The following DRC1 variants were observed in gnomAD, a reference collection of about 807,000 sequenced individuals.
DRC1 encodes dynein regulatory complex subunit 1, also known as dynein regulatory complex protein 1.
A neutral mutation model predicts 98.7 loss-of-function variants in DRC1; 74 were observed. The ratio of observed to expected loss-of-function variants is 0.75; its 90% CI spans 0.62 to 0.91. The LOEUF (loss-of-function observed/expected upper bound fraction) is 0.91. Ranked by LOEUF, DRC1 falls within the 40% of genes least tolerant of loss-of-function variation. The pLI, the probability that DRC1 is intolerant of heterozygous loss-of-function variation, is 0.00. For missense variants in DRC1, 875 were observed against 886.0 expected, an observed-to-expected ratio of 0.99 and a Z score of 0.16; for synonymous variants, 336 against 334.1, an observed-to-expected ratio of 1.01 and a Z score of -0.06.
At chr2:26,453,176 T>C in intron 13 of DRC1, 144 bp from the exon 14 acceptor site, 2 of 911,918 alleles carry the variant, frequency 2.2e-6, no homozygotes, top group South Asian at 3.4e-5. Context: ...CCACTCTTTC[T>C]CCTGTTTCTG....
chr2:26,414,500 T>A, intron 2 of DRC1, 69 bp downstream of exon 2: 1 of 1,422,722 alleles, frequency 7.0e-7, no homozygotes, highest in Non-Finnish European at 9.8e-7. Flanking sequence ...GTTTTCACAT[T>A]TAGACTGGAA....
chr2:26,402,211 G>T, intron 1 of DRC1, 67 bp downstream of exon 1: 1 of 1,479,524 alleles, frequency 6.8e-7, no homozygotes, highest in Non-Finnish European at 8.9e-7. Flanking sequence ...GTTTCCTGAT[G>T]AAATAGAAAC....
At chr2:26,432,101 T>G (rs1663452310) in intron 7 of DRC1, 95 bp downstream of exon 7, 1 of 1,476,072 alleles carries the variant, frequency 6.8e-7, no homozygotes, top group South Asian at 1.3e-5. Flanking sequence ...TGTGATATTC[T>G]AGAGGTAGTC....
At chr2:26,410,293 C>G (rs762361320) in intron 1 of DRC1, among the ~76,000 whole-genome samples, 47 of 143,612 alleles carry the variant, frequency 3.3e-4, no homozygotes, top group Non-Finnish European at 6.8e-4. Flanking sequence ...AATTTTGATA[C>G]GGAGTTTCAC....
rs1664088523 is a variant in DRC1 at position 26,454,515 on chromosome 2, C to T, written c.1920-132C>T. ...GCATGCGTCCTTTCTGAGAACCTGC[C>T]ACCGTCTAATAAACTTGGACTGCTG... is the stretch of plus-strand genomic sequence containing the variant. On this transcript the variant is annotated intron_variant, in intron 14 of 16. Coordinates refer to ENST00000288710, the MANE Select transcript of DRC1 (RefSeq NM_145038.5). The surrounding 1 kb of genome is among the most constrained non-coding windows in gnomAD (Gnocchi z 5.2). The T allele has an allele frequency of 7.6e-7, 1 of 1,322,858 alleles. No individual in the cohort carries two copies. Among genetic ancestry groups the T allele is most frequent in the African/African-American group, 1.5e-5 (1 of 68,646 alleles). The allele number at this position is 1,322,858 out of a possible 1,614,324, so 81.9% of individuals were successfully genotyped here.
chr2:26,451,031 A>G (rs1435357543), intron 13 of DRC1, among the ~76,000 whole-genome samples: 1 of 152,126 alleles, frequency 6.6e-6, no homozygotes, highest in Non-Finnish European at 1.5e-5. Flanking sequence ...TTCCAGCTTC[A>G]TCCATGTCCC....
At chr2:26,430,654 G>A (rs546391889) in intron 5 of DRC1, 132 bp from the exon 6 acceptor site, 1 of 907,648 alleles carries the variant, frequency 1.1e-6, no homozygotes, top group Admixed American at 1.7e-5. Flanking sequence ...AACTTGGCAG[G>A]TCTGAATTTG....
chr2:26,453,482 TG>T lies in DRC1; in HGVS notation c.1855del (p.Val619SerfsTer18), dbSNP rs747839544. 1.2e-6 allele frequency: 2 copies of T among 1,614,122 alleles called. No homozygotes were observed. Among genetic ancestry groups the T allele is most frequent in the Non-Finnish European group, 1.7e-6 (2 of 1,180,018 alleles). ...AGAGGAGGAGACCCCACCCTCCCCC[TG>T]GGTCATCCACCCCAATGATGTCCTC... ...EEEEETPPSP[W>X]VIHPNDVLKI... is the part of the protein sequence containing the mutation. On this transcript the variant is annotated frameshift_variant, in exon 14 of 17. Coordinates refer to ENST00000288710, the MANE Select transcript of DRC1 (RefSeq NM_145038.5). LOFTEE classifies it high-confidence loss of function.
chr2:26,418,619 TAATATAA>T (rs1678914890), intron 2 of DRC1, among the ~76,000 whole-genome samples: 2 of 92,904 alleles, frequency 2.2e-5, no homozygotes, highest in African/African-American at 1.1e-4. Context: ...AAATTATATA[TAATATAA>T]ATTATATATA....
At chr2:26,417,201 T>C (rs993438941) in intron 2 of DRC1, among the ~76,000 whole-genome samples, 6 of 152,306 alleles carry the variant, frequency 3.9e-5, no homozygotes, top group African/African-American at 1.4e-4. Context: ...ATATCCAAAC[T>C]ATATCACCAG....
Position 26,444,944 on chromosome 2 carries a change from C to T in DRC1, c.1392C>T (p.Arg464=), listed in dbSNP as rs759050672. The change falls in exon 10 of 17, where the codon CGC becomes CGT. Residue 464 remains arginine, a synonymous_variant. Coordinates refer to ENST00000288710, the MANE Select transcript of DRC1 (RefSeq NM_145038.5). Reference sequence around the variant, plus strand: ...AGATAGTAGAAGAAATGCTTATGCGCTCAGGTGACTAGAACACTGTCATAG... The same window carrying T: ...AGATAGTAGAAGAAATGCTTATGCGTTCAGGTGACTAGAACACTGTCATAG... ...ATQIVEEMLM[R]SEEEEAEEAA... is the part of the protein sequence containing the mutation. 7.4e-6 allele frequency: 12 copies of T among 1,613,908 alleles called. No individual in the cohort carries two copies. In the South Asian group the frequency reaches 1.2e-4, roughly 16 times the overall value.
At chr2:26,443,668 G>A (rs1663776568) in intron 8 of DRC1, among the ~76,000 whole-genome samples, 1 of 152,176 alleles carries the variant, frequency 6.6e-6, no homozygotes, top group African/African-American at 2.4e-5. Context: ...CGCAAAAGTG[G>A]CATTTCATGT....
intron 7 of DRC1, among the ~76,000 whole-genome samples, chr2:26,433,449 A>G (rs896490542): frequency 2.0e-5 from 3 of 152,238 alleles, no homozygotes; most frequent in Admixed American, 6.5e-5. Flanking sequence ...TGTCACAGAA[A>G]TGAGAGTTAC....
At chr2:26,406,329 C>T (rs1678426013) in intron 1 of DRC1, among the ~76,000 whole-genome samples, 1 of 152,184 alleles carries the variant, frequency 6.6e-6, no homozygotes, top group Non-Finnish European at 1.5e-5. Context: ...CCTCGGTTGC[C>T]TGTGATACCC....
chr2:26,403,047 A>G (rs1486349493), intron 1 of DRC1, among the ~76,000 whole-genome samples: 1 of 152,258 alleles, frequency 6.6e-6, no homozygotes, highest in African/African-American at 2.4e-5. Context: ...AGCTTTATTT[A>G]TGGACACTGA....
rs763595985 is a variant in DRC1 at position 26,450,632 on chromosome 2, T to G, written c.1640T>G (p.Val547Gly). The G allele has an allele frequency of 1.2e-6, 2 of 1,611,892 alleles. No individual in the cohort carries two copies. Among genetic ancestry groups the G allele is most frequent in the Non-Finnish European group, 1.7e-6 (2 of 1,178,974 alleles). The change falls in exon 13 of 17, where the codon GTG becomes GGG. Residue 547 changes from valine (V) to glycine (G), a missense_variant. Coordinates refer to ENST00000288710, the MANE Select transcript of DRC1 (RefSeq NM_145038.5). The part of the protein sequence containing the change: ...IESEDDLYKL[V>G]NFFLKYRAHR... ...AGTGAGGATGACTTGTATAAACTGG[T>G]GAACTTCTTCCTTAAATATCGAGCT...
chr2:26,402,035 G>A lies in DRC1; in HGVS notation c.46G>A (p.Glu16Lys), dbSNP rs149082901. The A allele has an allele frequency of 9.9e-6, 16 of 1,612,852 alleles. No homozygotes were observed. In the African/African-American group the frequency reaches 1.7e-4, roughly 17 times the overall value. ...AGAGGCCCTGGACCCGAACGTGGAC[G>A]AGCACTTGTCCACCCAGATTCTCGC... ...SLEALDPNVD[E>K]HLSTQILAPS... Residue 16 changes from glutamate to lysine, a missense_variant, in exon 1 of 17, where the codon GAG becomes AAG. By Grantham distance (56) the Glu-to-Lys change is moderately conservative. Coordinates refer to ENST00000288710, the MANE Select transcript of DRC1 (RefSeq NM_145038.5).
At chr2:26,435,664 G>C (rs937581788) in intron 7 of DRC1, among the ~76,000 whole-genome samples, 2 of 152,062 alleles carry the variant, frequency 1.3e-5, no homozygotes, top group African/African-American at 4.8e-5. Context: ...AGAACATGTG[G>C]TATTTGGTTT....
At chr2:26,448,907 T>A in intron 11 of DRC1, 104 bp downstream of exon 11, 1 of 1,178,076 alleles carries the variant, frequency 8.5e-7, no homozygotes, top group Non-Finnish European at 1.2e-6. Context: ...GGGCCAGTCC[T>A]CCCCTGGCCA....
Sources: gnomAD v4.1 joint callset for allele counts (sites outside exome capture counted in the v4.1 genomes callset) on GRCh38, gnomAD v4.1.1 for gene constraint, Gnocchi (gnomAD v3.1) non-coding constraint, MANE v1.5 for transcripts, NCBI Gene and HGNC (gene_info 2026-07-23, HGNC 2026-07-21) for gene names.